TTF2: variants seen among roughly 807,000 people sequenced by gnomAD.
The protein encoded by TTF2 is RNA polymerase II termination factor.
Under a neutral mutation model 142.4 loss-of-function variants are expected in TTF2, and 108 were observed. The ratio of observed to expected loss-of-function variants is 0.76; its 90% CI spans 0.65 to 0.89. The LOEUF is 0.89. Ranked by LOEUF, TTF2 falls within the 40% of genes least tolerant of loss-of-function variation. The probability of loss-of-function intolerance (pLI) is 0.00; values close to 1 mark genes in which losing one functional copy is unlikely to be tolerated. For missense variants in TTF2, 1,327 were observed against 1,379.8 expected, an observed-to-expected ratio of 0.96 and a Z score of 0.61; for synonymous variants, 483 against 506.2, an observed-to-expected ratio of 0.95 and a Z score of 0.61.
rs1164779972 is a variant in TTF2, at chr1:117,086,189, G to A, written c.2055-228G>A. 1.3e-5 allele frequency among the ~76,000 whole-genome samples: 2 copies of A among 151,894 alleles called. No homozygotes were observed. Among genetic ancestry groups the A allele is most frequent in the Non-Finnish European group, 2.9e-5 (2 of 67,986 alleles). On this transcript the variant is annotated intron_variant, in intron 11 of 22. Coordinates refer to ENST00000369466, the MANE Select transcript of TTF2 (RefSeq NM_003594.4). The surrounding 1 kb of genome is among the most constrained non-coding windows in gnomAD (Gnocchi z 4.2). ...GCTGTGGTAGCTATAGTGAGCAGAC[G>A]GTAAATGATCAGAGGTAAGAGATAG...
chr1:117,091,896 G>A lies in TTF2; in HGVS notation c.2751G>A (p.Leu917=), dbSNP rs1198948436. 1 of 1,613,386 alleles carries A rather than the reference G, an allele frequency of 6.2e-7. No individual in the cohort carries two copies. The highest frequency in any genetic ancestry group is 1.3e-5 in the African/African-American group (1 of 74,906). Residue 917 remains leucine (L), a synonymous_variant, in exon 17 of 23, where the codon CTG becomes CTA. Transcript: ENST00000369466. ...CGAGATCCAGCACCGTCCACATACT[G>A]TCCCAGTTGCTGAGACTCCGCCAGT... The part of the protein sequence containing the change: ...DSPRSSTVHI[L]SQLLRLRQCC...
Position 117,090,239 on chromosome 1 carries a change from G to C in TTF2, c.2496+31G>C. 6.2e-7 allele frequency: 1 copy of C among 1,607,812 alleles called. No individual in the cohort carries two copies. The highest frequency in any genetic ancestry group is 8.5e-7 in the Non-Finnish European group (1 of 1,176,898). ...CAAGTTTGTACCTGTCCCTGGGGGAGGCCAGGGAAGGAACATGACTGTGTC... is the reference window on the plus strand; with the variant it reads ...CAAGTTTGTACCTGTCCCTGGGGGACGCCAGGGAAGGAACATGACTGTGTC... On this transcript the variant is annotated intron_variant, in intron 14 of 22. Transcript: ENST00000369466. This position sits in a 1 kb window ranked among gnomAD's most constrained non-coding sequence, Gnocchi z 4.8.
chr1:117,061,521 A>T (rs1160643886), intron 2 of TTF2, among the ~76,000 whole-genome samples: 1 of 152,204 alleles, frequency 6.6e-6, no homozygotes, highest in Non-Finnish European at 1.5e-5. Context: ...GGATATCAGT[A>T]TTAGAAAAGT....
chr1:117,083,947 T>C (rs1647773747), intron 10 of TTF2, 71 bp from the exon 11 acceptor site: 1 of 1,566,998 alleles, frequency 6.4e-7, no homozygotes, highest in Non-Finnish European at 8.7e-7. Flanking sequence ...CGTGTCTCCA[T>C]ATATTAAAAA....
chr1:117,069,547 T>G (rs1234736186), intron 3 of TTF2, among the ~76,000 whole-genome samples: 1 of 152,248 alleles, frequency 6.6e-6, no homozygotes. Context: ...TTTTAAGACC[T>G]TGGTATGTAT....
chr1:117,090,647 T>C lies in TTF2; in HGVS notation c.2588+24T>C, dbSNP rs745400695. ...AGGTGTGTGTATTAAAGAAGCACCT[T>C]CTCACACACATTGTTTTATTCCTGT... is the stretch of plus-strand genomic sequence containing the variant. On this transcript the variant is annotated intron_variant, in intron 15 of 22. Transcript: ENST00000369466. The surrounding 1 kb of genome is among the most constrained non-coding windows in gnomAD (Gnocchi z 4.8). The C allele has an allele frequency of 3.9e-5, 62 of 1,573,240 alleles. No individual in the cohort carries two copies. The highest frequency in any genetic ancestry group is 5.1e-5 in the Non-Finnish European group (58 of 1,146,870).
chr1:117,060,762 G>T (rs1655607699), intron 2 of TTF2, among the ~76,000 whole-genome samples: 1 of 152,198 alleles, frequency 6.6e-6, no homozygotes, highest in Non-Finnish European at 1.5e-5. Flanking sequence ...GTGACCCGAG[G>T]CTGGTTACCC....
chr1:117,095,352 C>T lies in TTF2; in HGVS notation c.3020C>T (p.Ser1007Leu). The T allele has an allele frequency of 6.2e-7, 1 of 1,614,124 alleles. No homozygotes were observed. Among genetic ancestry groups the T allele is most frequent in the South Asian group, 1.1e-5 (1 of 91,076 alleles). The part of the protein sequence containing the change: ...LAELEAIQRN[S>L]ASQKSVIVSQ... ...GAATTGGAGGCAATTCAAAGAAATT[C>T]AGCATCCCAAAAGAGGTAACTGCGT... Residue 1007 changes from serine to leucine, a missense_variant, in exon 19 of 23, where the codon TCA (serine) becomes TTA (leucine). Physicochemically the swap from Ser to Leu is moderately radical, Grantham distance 145 (BLOSUM62 -2). Transcript: ENST00000369466.
At chr1:117,062,548 A>G in intron 3 of TTF2, 75 bp downstream of exon 3, 1 of 1,372,500 alleles carries the variant, frequency 7.3e-7, no homozygotes, top group Admixed American at 2.6e-5. Context: ...GTAGCCAGGT[A>G]TGTATTAGGA....
Position 117,079,172 on chromosome 1 carries a change from G to A in TTF2, c.1702-396G>A, listed in dbSNP as rs1358615025. ...GGAGAATTGCTTGAACCTGGGAGGC[G>A]GAGGCTGCAGTGGGCTGAGATCACG... is the stretch of plus-strand genomic sequence containing the variant. On this transcript the variant is annotated intron_variant, in intron 8 of 22. Transcript: ENST00000369466. This position sits in a 1 kb window ranked among gnomAD's most constrained non-coding sequence, Gnocchi z 4.2. Among the ~76,000 whole-genome samples, 1 of 152,094 alleles carries A rather than the reference G, an allele frequency of 6.6e-6. No homozygotes were observed. Among genetic ancestry groups the A allele is most frequent in the Non-Finnish European group, 1.5e-5 (1 of 68,016 alleles).
intron 10 of TTF2, among the ~76,000 whole-genome samples, chr1:117,083,385 A>G (rs3738412): frequency 0.2 from 30,586 of 152,218 alleles, 3,466 homozygotes; most frequent in Non-Finnish European, 0.26. Flanking sequence ...ATGAGGGGCC[A>G]TGGTATAAAC....
In TTF2 at chr1:117,097,554, C is replaced by A; in HGVS notation, c.3269+121C>A. The A allele has an allele frequency of 3.3e-6, 3 of 911,814 alleles. No individual in the cohort carries two copies. The highest frequency in any genetic ancestry group is 1.8e-5 in the Admixed American group (1 of 56,440). The allele number at this position is 911,814 out of a possible 1,614,324, so 56.5% of individuals were successfully genotyped here. A position where few individuals can be genotyped will look rare whatever the true frequency, so the allele number is the denominator to read the frequency against. ...GTGTTCGTATTGCAGAGATGCCTTG[C>A]TTTGTATGTGTCTATAGATACAGAT... On this transcript the variant is annotated intron_variant, in intron 21 of 22. Coordinates refer to ENST00000369466, the MANE Select transcript of TTF2 (RefSeq NM_003594.4). The surrounding 1 kb of genome is among the most constrained non-coding windows in gnomAD (Gnocchi z 4.1).
chr1:117,092,962 T>C lies in TTF2; in HGVS notation c.2976+61T>C. On this transcript the variant is annotated intron_variant, in intron 18 of 22. Transcript: ENST00000369466. The surrounding 1 kb of genome is among the most constrained non-coding windows in gnomAD (Gnocchi z 4.4). The stretch of plus-strand genomic sequence containing the variant: ...TCGATTCCTCACACATTTTCCTGTG[T>C]GACAGCACTTCATTTGTCCAAGTGG... The C allele has an allele frequency of 1.3e-6, 2 of 1,584,526 alleles. No homozygotes were observed. The highest frequency in any genetic ancestry group is 2.2e-5 in the East Asian group (1 of 44,694).
chr1:117,091,355 A>G lies in TTF2; in HGVS notation c.2616A>G (p.Arg872=). 1 of 1,613,376 alleles carries G rather than the reference A, an allele frequency of 6.2e-7. No homozygotes were observed. The highest frequency in any genetic ancestry group is 8.5e-7 in the Non-Finnish European group (1 of 1,179,882). Residue 872 remains arginine, a synonymous_variant, in exon 16 of 23, where the codon AGA becomes AGG. Transcript: ENST00000369466. ...CAGCTCTGCAATCCTATCTAAAAAG[A>G]CATGAAAGTAGAGGCAACCAATCTG... ...SRSALQSYLK[R]HESRGNQSGR... is the part of the protein sequence containing the mutation.
intron 12 of TTF2, 88 bp from the exon 13 acceptor site, chr1:117,088,713 C>G (rs950038383): frequency 1.5e-5 from 22 of 1,458,270 alleles, no homozygotes; most frequent in South Asian, 2.7e-5. Context: ...TGTGGGTCCT[C>G]CATGCTTGCC....
In TTF2 at chr1:117,097,258, G is replaced by A. The variant is rs1262686337; in HGVS notation, c.3187-93G>A. On this transcript the variant is annotated intron_variant, in intron 20 of 22. Coordinates refer to ENST00000369466, the MANE Select transcript of TTF2 (RefSeq NM_003594.4). The surrounding 1 kb of genome is among the most constrained non-coding windows in gnomAD (Gnocchi z 4.1). ...GAAGGAAATTTGATAGGAACACAGT[G>A]CTTATCTGTATTGATTGTGGACTTA... The A allele has an allele frequency of 1.6e-5, 17 of 1,080,846 alleles. No individual in the cohort carries two copies. The highest frequency in any genetic ancestry group is 2.1e-5 in the Non-Finnish European group (15 of 698,858). The allele number at this position is 1,080,846 out of a possible 1,614,324, so 67.0% of individuals were successfully genotyped here.
rs1206341612 is a variant in TTF2, at chr1:117,102,734, C to G, written c.*1210C>G. 3 of 151,896 alleles carry G rather than the reference C, an allele frequency of 2.0e-5. No individual in the cohort carries two copies. The allele number at this position is 151,896 out of a possible 1,614,324, so 9.4% of individuals were successfully genotyped here. ...TAATAAATACTAATCCAGTCCAATACTAATCCAATCCAATACTAATAATAC... is the reference window on the plus strand; with the variant it reads ...TAATAAATACTAATCCAGTCCAATAGTAATCCAATCCAATACTAATAATAC... On this transcript the variant is annotated 3_prime_UTR_variant, in exon 23 of 23. Transcript: ENST00000369466.
rs372656651 is a variant in TTF2 at position 117,086,272 on chromosome 1, C to T, written c.2055-145C>T. On this transcript the variant is annotated intron_variant, in intron 11 of 22. Coordinates refer to ENST00000369466, the MANE Select transcript of TTF2 (RefSeq NM_003594.4). This position sits in a 1 kb window ranked among gnomAD's most constrained non-coding sequence, Gnocchi z 4.2. ...ATGTGTGTGTGTGTGTGTGTGTGTG[C>T]GTGTGTGTGTTAAGGACACAAGTTA... 9.4e-4 allele frequency: 457 copies of T among 483,722 alleles called. No individual in the cohort carries two copies. Among genetic ancestry groups the T allele is most frequent in the Middle Eastern group, 1.6e-3 (3 of 1,908 alleles). The allele number at this position is 483,722 out of a possible 1,614,324, so 30.0% of individuals were successfully genotyped here.
In TTF2 at chr1:117,097,082, A is replaced by G. The variant is rs1028932215; in HGVS notation, c.3187-269A>G. ...TTGAGCTGACCATCCCCAGGGTTCT[A>G]AATTACAGTATTTATATATTTTGGC... On this transcript the variant is annotated intron_variant, in intron 20 of 22. Coordinates refer to ENST00000369466, the MANE Select transcript of TTF2 (RefSeq NM_003594.4). The surrounding 1 kb of genome is among the most constrained non-coding windows in gnomAD (Gnocchi z 4.1). Among the ~76,000 whole-genome samples the G allele has an allele frequency of 6.6e-6, 1 of 152,216 alleles. No individual in the cohort carries two copies. Among genetic ancestry groups the G allele is most frequent in the Non-Finnish European group, 1.5e-5 (1 of 68,040 alleles).
Sources: allele counts gnomAD v4.1 joint callset (sites outside exome capture counted in the v4.1 genomes callset), GRCh38; gene constraint gnomAD v4.1.1; non-coding constraint Gnocchi (gnomAD v3.1); transcripts MANE v1.5; gene names NCBI Gene and HGNC (gene_info 2026-07-23, HGNC 2026-07-21).